DSTN: variants seen among roughly 807,000 people sequenced by gnomAD.
DSTN encodes the protein destrin.
In DSTN, 10 loss-of-function variants were observed where a neutral mutation model predicts 16.8. That is an observed-to-expected ratio of 0.60 (90% confidence interval 0.37 to 1.01). DSTN has a LOEUF of 1.01. Ranked by LOEUF, DSTN falls within the 50% of genes least tolerant of loss-of-function variation. DSTN has a pLI of 0.01. For synonymous variants in DSTN, 57 were observed against 58.9 expected (o/e 0.97, Z 0.14); for missense variants, 141 against 196.7 (o/e 0.72, Z 1.69).
At chr20:17,583,731 G>GTTTTTTTT (rs74172899) in intron 1 of DSTN, among the ~76,000 whole-genome samples, 48 of 27,922 alleles carry the variant, frequency 1.7e-3, no homozygotes, top group South Asian at 4.1e-3. Flanking sequence ...TGGGTTTGGA[G>GTTTTTTTT]TTTCTTTTTT....
chr20:17,596,640 T>C, intron 1 of DSTN: 2 of 985,450 alleles, frequency 2.0e-6, no homozygotes, highest in Non-Finnish European at 2.4e-6. Context: ...ATTGGTTTTC[T>C]GCTTCCAGTT....
At chr20:17,589,095 A>G (rs747359939) in intron 1 of DSTN, among the ~76,000 whole-genome samples, 3 of 151,758 alleles carry the variant, frequency 2.0e-5, no homozygotes, top group Non-Finnish European at 4.4e-5. Context: ...TTGAACTTCC[A>G]TATTTCTTCT....
intron 1 of DSTN, 63 bp downstream of exon 1, chr20:17,570,274 C>A: frequency 1.4e-6 from 2 of 1,438,478 alleles, no homozygotes; most frequent in Non-Finnish European, 1.8e-6. Flanking sequence ...CTCTGGGGCG[C>A]CGCGGAGTCG....
In DSTN at chr20:17,577,421, G is replaced by T. The variant is rs531148161; in HGVS notation, c.3+7210G>T. 2.0e-5 allele frequency among the ~76,000 whole-genome samples: 3 copies of T among 152,196 alleles called. No homozygotes were observed. In the East Asian group the frequency reaches 5.8e-4, roughly 29 times the overall value. On this transcript the variant is annotated intron_variant, in intron 1 of 3. Transcript: ENST00000246069. ...CATCTCTACTAAAAATACAAAATTA[G>T]CCAGGCATGGTGGCAGGTGCATGTA...
At chr20:17,602,686 C>T (rs1304521696) in intron 2 of DSTN, among the ~76,000 whole-genome samples, 2 of 152,148 alleles carry the variant, frequency 1.3e-5, no homozygotes, top group African/African-American at 4.8e-5. Context: ...AGAATAAAAG[C>T]AGAACAGCTG....
chr20:17,587,011 G>A (rs925946945), intron 1 of DSTN, among the ~76,000 whole-genome samples: 3 of 151,784 alleles, frequency 2.0e-5, no homozygotes, highest in African/African-American at 4.9e-5. Context: ...AACACAGCCA[G>A]TTTAAAAATA....
At chr20:17,589,783 T>C (rs2035450552) in intron 1 of DSTN, among the ~76,000 whole-genome samples, 1 of 152,248 alleles carries the variant, frequency 6.6e-6, no homozygotes, top group Non-Finnish European at 1.5e-5. Context: ...ATTAAGATGC[T>C]GATGACATTT....
intron 2 of DSTN, among the ~76,000 whole-genome samples, chr20:17,601,967 T>G (rs537331782): frequency 3.4e-4 from 51 of 151,114 alleles, no homozygotes; most frequent in African/African-American, 1.2e-3. Context: ...GGGGCAAGGA[T>G]TCTCTTGATA....
intron 3 of DSTN, among the ~76,000 whole-genome samples, chr20:17,605,384 A>G (rs1036656081): frequency 1.3e-5 from 2 of 152,184 alleles, no homozygotes; most frequent in African/African-American, 4.8e-5. Context: ...TTAGTTTAAG[A>G]GTTTGCCCTG....
rs561012680 is a variant in DSTN at position 17,596,608 on chromosome 20, G to C, written c.4-4130G>C. On this transcript the variant is annotated intron_variant, in intron 1 of 3. Transcript: ENST00000246069. The stretch of plus-strand genomic sequence containing the variant: ...GCTGTAGTTCAGAGCTTTCTTCTCT[G>C]AATATTTGTAATTGTGTCAAAATTG... The C allele has an allele frequency of 7.0e-5, 69 of 985,186 alleles. 1 individual carries two copies. The South Asian group carries it at 3.1e-3, about 44-fold the overall frequency. The allele number at this position is 985,186 out of a possible 1,614,324, so 61.0% of individuals were successfully genotyped here. A position where few individuals can be genotyped will look rare whatever the true frequency, so the allele number is the denominator to read the frequency against.
intron 1 of DSTN, among the ~76,000 whole-genome samples, chr20:17,595,999 C>G (rs1445773233): frequency 6.6e-6 from 1 of 152,114 alleles, no homozygotes; most frequent in East Asian, 1.9e-4. Flanking sequence ...CCATGGGTCC[C>G]CAGTCCATTA....
At chr20:17,585,792 G>C (rs1037531807) in intron 1 of DSTN, among the ~76,000 whole-genome samples, 1 of 151,952 alleles carries the variant, frequency 6.6e-6, no homozygotes, top group Non-Finnish European at 1.5e-5. Context: ...TCTGTTTTTT[G>C]TCTCTATAGT....
intron 2 of DSTN, 63 bp from the exon 3 acceptor site, chr20:17,604,492 A>T (rs1018190398): frequency 1.3e-5 from 19 of 1,498,930 alleles, no homozygotes; most frequent in Non-Finnish European, 1.6e-5. Context: ...GCAAATGTTT[A>T]ACAAGTTGCA....
chr20:17,570,518 G>A (rs373303662), intron 1 of DSTN, among the ~76,000 whole-genome samples: 17 of 152,326 alleles, frequency 1.1e-4, no homozygotes, highest in East Asian at 3.9e-4. Context: ...AACTGGCTGG[G>A]GTCGAGCGCC....
rs2035671645 is a variant in DSTN at position 17,609,012 on chromosome 20, G to GT, written c.*1867dup. 1 of 152,210 alleles carries GT rather than the reference G, an allele frequency of 6.6e-6. No individual in the cohort carries two copies. Among genetic ancestry groups the GT allele is most frequent in the Non-Finnish European group, 1.5e-5 (1 of 68,038 alleles). 9.4% of individuals were successfully genotyped at this position (152,210 alleles called of 1,614,324 possible). On this transcript the variant is annotated 3_prime_UTR_variant, in exon 4 of 4. Coordinates refer to ENST00000246069, the MANE Select transcript of DSTN (RefSeq NM_006870.4). The stretch of plus-strand genomic sequence containing the variant: ...AGGCTCTACCATACAGCCTAGGTGT[G>GT]TAGTAGGCTATGCCACTAGGTTTAA...
chr20:17,576,337 G>A (rs759457235), intron 1 of DSTN: 2 of 154,574 alleles, frequency 1.3e-5, no homozygotes, highest in Non-Finnish European at 2.9e-5. Context: ...ACCAAAGACC[G>A]GTTCTCCTCT....
chr20:17,600,449 C>T (rs1465094006), intron 1 of DSTN, among the ~76,000 whole-genome samples: 1 of 152,050 alleles, frequency 6.6e-6, no homozygotes, highest in Non-Finnish European at 1.5e-5. Context: ...AAGAAAATAA[C>T]CCAGCACCTT....
intron 1 of DSTN, among the ~76,000 whole-genome samples, chr20:17,587,187 T>G (rs6105780): frequency 0.021 from 2,965 of 144,012 alleles, 98 homozygotes; most frequent in African/African-American, 0.077. Context: ...AACTAGGCTT[T>G]TGTTTCTCAA....
chr20:17,572,689 T>C (rs1265650293), intron 1 of DSTN, among the ~76,000 whole-genome samples: 1 of 152,242 alleles, frequency 6.6e-6, no homozygotes, highest in African/African-American at 2.4e-5. Context: ...AGGTTGGGCA[T>C]GTATTCACAT....
Sources: gnomAD v4.1 joint callset for allele counts (sites outside exome capture counted in the v4.1 genomes callset) on GRCh38, gnomAD v4.1.1 for gene constraint, MANE v1.5 for transcripts, NCBI Gene and HGNC (gene_info 2026-07-23, HGNC 2026-07-21) for gene names.